The following NIPAL4 variants were observed in gnomAD, a reference collection of about 807,000 sequenced individuals.
NIPAL4 encodes the protein magnesium transporter NIPA4.
In NIPAL4, 21 loss-of-function variants were observed where a neutral mutation model predicts 31.6. That is an observed-to-expected ratio of 0.67 (90% CI 0.47 to 0.96). NIPAL4 has a LOEUF of 0.96. Ranked by LOEUF, NIPAL4 falls within the 40% of genes least tolerant of loss-of-function variation. The pLI is 0.00. For synonymous variants in NIPAL4, 175 were observed against 211.1 expected (o/e 0.83, Z 1.48); for missense variants, 438 against 508.0 (o/e 0.86, Z 1.32).
At chr5:157,468,592 A>G (rs553971039) in intron 3 of NIPAL4, 130 bp from the exon 4 acceptor site, 16 of 671,924 alleles carry the variant, frequency 2.4e-5, no homozygotes, top group Non-Finnish European at 4.1e-5. Context: ...CCAGGGAGAG[A>G]GCGTATGGAT....
chr5:157,469,134 GCTCCGGATTAATGCTGC>G (rs1754358972), intron 4 of NIPAL4, among the ~76,000 whole-genome samples: 1 of 152,172 alleles, frequency 6.6e-6, no homozygotes. Flanking sequence ...AAGAGCATGT[GCTCCGGATTAATGCTGC>G]CTGAGTTCTA....
Position 157,463,353 on chromosome 5 carries a change from G to C in NIPAL4, c.277+20G>C, listed in dbSNP as rs747332657. On this transcript the variant is annotated intron_variant, in intron 2 of 5. Transcript: ENST00000311946. ...GAGCTGGTAGGTTCCTGGGCCAGGAGAGGATAGGGCCCAGGGCAGCTGAGC... is the reference window on the plus strand; with the variant it reads ...GAGCTGGTAGGTTCCTGGGCCAGGACAGGATAGGGCCCAGGGCAGCTGAGC... The C allele has an allele frequency of 6.3e-7, 1 of 1,594,000 alleles. No individual in the cohort carries two copies. Among genetic ancestry groups the C allele is most frequent in the Non-Finnish European group, 8.5e-7 (1 of 1,169,934 alleles).
rs61743233 is a variant in NIPAL4 at position 157,472,917 on chromosome 5, C to T, written c.1172C>T (p.Ser391Leu). ...LVDNIELAST[S>L]SPEEKPKVFI... ...GACAATATAGAACTTGCCAGCACCTCATCACCAGAAGAGAAACCCAAAGTA... is the reference window on the plus strand; with the variant it reads ...GACAATATAGAACTTGCCAGCACCTTATCACCAGAAGAGAAACCCAAAGTA... The change falls in exon 6 of 6, where the codon TCA (serine) becomes TTA (leucine). Residue 391 changes from serine (S) to leucine (L), a missense_variant. Transcript: ENST00000311946. 0.063 allele frequency: 96,272 copies of T among 1,524,446 alleles called. 4,153 individuals carry two copies. Among genetic ancestry groups the T allele is most frequent in the African/African-American group, 0.19 (13,626 of 72,046 alleles). The allele number at this position is 1,524,446 out of a possible 1,614,324, so 94.4% of individuals were successfully genotyped here.
Position 157,460,260 on chromosome 5 carries a change from T to C in NIPAL4, c.-61T>C. 6.5e-7 allele frequency: 1 copy of C among 1,541,148 alleles called. No individual in the cohort carries two copies. The highest frequency in any genetic ancestry group is 1.2e-5 in the South Asian group (1 of 83,476). On this transcript the variant is annotated 5_prime_UTR_variant, in exon 1 of 6. Coordinates refer to ENST00000311946, the MANE Select transcript of NIPAL4 (RefSeq NM_001099287.2). Reference sequence around the variant, plus strand: ...CGGGGGACAAGTCGCGGCCACCTGCTCCGGAGCTGGGGAGCCCGGGCGCCG... The same window carrying C: ...CGGGGGACAAGTCGCGGCCACCTGCCCCGGAGCTGGGGAGCCCGGGCGCCG...
chr5:157,468,865 G>A (rs1300819711), intron 4 of NIPAL4, 53 bp downstream of exon 4: 9 of 1,315,804 alleles, frequency 6.8e-6, no homozygotes, highest in Non-Finnish European at 9.5e-6. Context: ...TCAGTTTGTT[G>A]AGGCCTGGAA....
rs540083388 is a variant in NIPAL4 at position 157,463,266 on chromosome 5, C to G, written c.210C>G (p.Ile70Met). 5 of 1,613,924 alleles carry G rather than the reference C, an allele frequency of 3.1e-6. No individual in the cohort carries two copies. Among genetic ancestry groups the G allele is most frequent in the African/African-American group, 2.7e-5 (2 of 75,040 alleles). Reference sequence around the variant, plus strand: ...TGGCATTCCTGTCTAGCTTCCTCATCGGCAGCAGCGTCATCCTCAAGAAGA... The same window carrying G: ...TGGCATTCCTGTCTAGCTTCCTCATGGGCAGCAGCGTCATCCTCAAGAAGA... Reference protein sequence around the residue: ...LGLAFLSSFLIGSSVILKKKG... With the variant: ...LGLAFLSSFLMGSSVILKKKG... The change falls in exon 2 of 6, where the codon ATC becomes ATG. Residue 70 changes from isoleucine (I) to methionine (M), a missense_variant. Physicochemically the swap from Ile to Met is conservative, Grantham distance 10. Coordinates refer to ENST00000311946, the MANE Select transcript of NIPAL4 (RefSeq NM_001099287.2).
rs777195838 is a variant in NIPAL4, at chr5:157,463,358, T to C, written c.277+25T>C. The C allele has an allele frequency of 1.5e-5, 24 of 1,587,726 alleles. No individual in the cohort carries two copies. In the Admixed American group the frequency reaches 3.4e-4, roughly 23 times the overall value. On this transcript the variant is annotated intron_variant, in intron 2 of 5. Coordinates refer to ENST00000311946, the MANE Select transcript of NIPAL4 (RefSeq NM_001099287.2). ...GGTAGGTTCCTGGGCCAGGAGAGGATAGGGCCCAGGGCAGCTGAGCTCTCA... is the reference window on the plus strand; with the variant it reads ...GGTAGGTTCCTGGGCCAGGAGAGGACAGGGCCCAGGGCAGCTGAGCTCTCA...
chr5:157,463,774 T>A (rs372975525), intron 2 of NIPAL4, among the ~76,000 whole-genome samples: 3 of 152,276 alleles, frequency 2.0e-5, no homozygotes, highest in African/African-American at 7.2e-5. Context: ...TGAGCTCCCT[T>A]CTGGGCTGCC....
intron 2 of NIPAL4, among the ~76,000 whole-genome samples, chr5:157,465,356 TA>T (rs1754242940): frequency 6.6e-6 from 1 of 152,192 alleles, no homozygotes; most frequent in Non-Finnish European, 1.5e-5. Context: ...ACCCTTAGAG[TA>T]AAATGTTCTC....
At position 157,474,466 on chromosome 5, in the gene NIPAL4, T is replaced by A. The variant is rs1754532752; in HGVS notation, c.*1506T>A. The A allele has an allele frequency of 6.6e-6, 1 of 152,198 alleles. No homozygotes were observed. The highest frequency in any genetic ancestry group is 1.5e-5 in the Non-Finnish European group (1 of 68,030). The allele number at this position is 152,198 out of a possible 1,614,324, so 9.4% of individuals were successfully genotyped here. On this transcript the variant is annotated 3_prime_UTR_variant, in exon 6 of 6. Transcript: ENST00000311946. ...CCCCTGTGTGACTCTACCTGCACTC[T>A]GTGTTTATATCCTGTGCCCTAAGTG...
rs6860507 is a variant in NIPAL4 at position 157,471,682 on chromosome 5, A to G, written c.451A>G (p.Arg151Gly). The G allele has an allele frequency of 0.48, 768,916 of 1,605,988 alleles. 186,372 individuals are homozygous for G. Among genetic ancestry groups the G allele is most frequent in the East Asian group, 0.7 (31,503 of 44,722 alleles). The change falls in exon 5 of 6, where the codon AGG (arginine) becomes GGG (glycine). Residue 151 changes from arginine to glycine, a missense_variant. Transcript: ENST00000311946. ...TGCCATCCTCTCCTCATATTTCCTG[A>G]GGGAGAGTCTGAACCTGCTGGGGAA... ...ISAILSSYFL[R>G]ESLNLLGKLG...
intron 2 of NIPAL4, among the ~76,000 whole-genome samples, chr5:157,464,918 C>A (rs972287869): frequency 1.3e-5 from 2 of 152,074 alleles, no homozygotes; most frequent in Non-Finnish European, 2.9e-5. Flanking sequence ...ATAGTACCAG[C>A]CTAAAGGGTT....
chr5:157,466,458 C>T (rs1352107330), intron 2 of NIPAL4, among the ~76,000 whole-genome samples: 2 of 152,126 alleles, frequency 1.3e-5, no homozygotes, highest in Non-Finnish European at 2.9e-5. Flanking sequence ...CGACTGGCTG[C>T]CATGAAAAGA....
Position 157,473,799 on chromosome 5 carries a change from AAAG to A in NIPAL4, c.*845_*847del, listed in dbSNP as rs771991928. On this transcript the variant is annotated 3_prime_UTR_variant, in exon 6 of 6. Coordinates refer to ENST00000311946, the MANE Select transcript of NIPAL4 (RefSeq NM_001099287.2). Reference sequence around the variant, plus strand: ...CAGTGTTGCATTTTGTCTTACTCTGAAAGAAGAACAGCAAATTCACTGCTTCAA... The same window carrying A: ...CAGTGTTGCATTTTGTCTTACTCTGAAAGAACAGCAAATTCACTGCTTCAA... The A allele has an allele frequency of 6.6e-6, 1 of 152,250 alleles. No individual in the cohort carries two copies. The highest frequency in any genetic ancestry group is 1.5e-5 in the Non-Finnish European group (1 of 68,056). 9.4% of individuals were successfully genotyped at this position (152,250 alleles called of 1,614,324 possible).
At chr5:157,463,637 G>A (rs1036300030) in intron 2 of NIPAL4, among the ~76,000 whole-genome samples, 3 of 152,198 alleles carry the variant, frequency 2.0e-5, no homozygotes, top group African/African-American at 7.2e-5. Context: ...AGATATGCAT[G>A]TCTGGTCTTG....
Position 157,472,981 on chromosome 5 carries a change from G to C in NIPAL4, c.*21G>C. 6.7e-7 allele frequency: 1 copy of C among 1,501,468 alleles called. No individual in the cohort carries two copies. 93.0% of individuals were successfully genotyped at this position (1,501,468 alleles called of 1,614,324 possible). ...CCTGAAGCTTGGAATATGTGAGTGA[G>C]AGGATGAGTCCGATGGTACAGCCTG... On this transcript the variant is annotated 3_prime_UTR_variant, in exon 6 of 6. Coordinates refer to ENST00000311946, the MANE Select transcript of NIPAL4 (RefSeq NM_001099287.2).
intron 1 of NIPAL4, among the ~76,000 whole-genome samples, chr5:157,462,818 A>G (rs944385915): frequency 2.0e-5 from 3 of 152,220 alleles, no homozygotes; most frequent in African/African-American, 7.2e-5. Context: ...TTGCAGTTTC[A>G]TTGAACTTAT....
intron 3 of NIPAL4, chr5:157,467,356 C>T (rs1754306271): frequency 6.7e-6 from 3 of 449,120 alleles, no homozygotes; most frequent in Admixed American, 3.3e-5. Context: ...ATTTTCTCAA[C>T]TTGCCTTTAA....
chr5:157,472,684 C>T lies in NIPAL4; in HGVS notation c.939C>T (p.Leu313=), dbSNP rs2113670528. ...TTVVVTSSII[L]FKEWYSMSAV... ...TGGTCGTTACCTCGTCCATCATCCT[C>T]TTCAAGGAGTGGTACAGCATGTCTG... The change falls in exon 6 of 6, where the codon CTC becomes CTT. Residue 313 remains leucine, a synonymous_variant. Transcript: ENST00000311946. The T allele has an allele frequency of 1.2e-6, 2 of 1,614,026 alleles. No individual in the cohort carries two copies. The highest frequency in any genetic ancestry group is 1.7e-6 in the Non-Finnish European group (2 of 1,179,896).
Sources: allele counts gnomAD v4.1 joint callset (sites outside exome capture counted in the v4.1 genomes callset), GRCh38; gene constraint gnomAD v4.1.1; transcripts MANE v1.5; gene names NCBI Gene and HGNC (gene_info 2026-07-23, HGNC 2026-07-21).